CCSER1: variants seen among roughly 807,000 people sequenced by gnomAD.
CCSER1 encodes the protein coiled-coil serine rich protein 1.
CCSER1 carries 41 observed loss-of-function variants against 82.0 expected under a neutral mutation model. The observed-to-expected ratio is 0.50, with a 90% CI of 0.39 to 0.65. The LOEUF is 0.65. CCSER1 is among the 30% of genes least tolerant of loss of function. The pLI, the probability that CCSER1 is intolerant of heterozygous loss-of-function variation, is 0.00. For synonymous variants in CCSER1, 414 were observed against 383.9 expected, an observed-to-expected ratio of 1.08 and a Z score of -0.92; for missense variants, 1,119 against 1,064.2, an observed-to-expected ratio of 1.05 and a Z score of -0.72.
chr4:90,489,310 A>G (rs572611122), intron 5 of CCSER1, among the ~76,000 whole-genome samples: 5 of 152,258 alleles, frequency 3.3e-5, no homozygotes, highest in Non-Finnish European at 5.9e-5. Context: ...TTAGATACCA[A>G]TCTTATAAGT....
chr4:90,349,505 A>C (rs1428965394), intron 3 of CCSER1, among the ~76,000 whole-genome samples: 1 of 152,088 alleles, frequency 6.6e-6, no homozygotes, highest in African/African-American at 2.4e-5. Context: ...TTAGTGAAAC[A>C]AATTCATTTC....
intron 10 of CCSER1, among the ~76,000 whole-genome samples, chr4:91,326,052 A>G (rs1399514461): frequency 7.2e-5 from 11 of 152,110 alleles, no homozygotes; most frequent in Admixed American, 1.3e-4. Flanking sequence ...TAGACTGAGA[A>G]TATGTCATAA....
At chr4:90,401,295 T>C (rs1752842172) in intron 4 of CCSER1, among the ~76,000 whole-genome samples, 2 of 152,208 alleles carry the variant, frequency 1.3e-5, no homozygotes, top group South Asian at 4.1e-4. Flanking sequence ...TTTTTACAAC[T>C]TAGATCCAAC....
chr4:91,492,620 C>G (rs181319757), intron 10 of CCSER1, among the ~76,000 whole-genome samples: 1 of 152,066 alleles, frequency 6.6e-6, no homozygotes, highest in African/African-American at 2.4e-5. Context: ...AACTTAAGAA[C>G]ATTATAAGAA....
chr4:90,910,161 C>A (rs998168586), intron 8 of CCSER1, among the ~76,000 whole-genome samples: 2 of 152,160 alleles, frequency 1.3e-5, no homozygotes, highest in Non-Finnish European at 2.9e-5. Context: ...ACAACCACAT[C>A]TCGTGAGAAC....
At chr4:91,191,366 T>C (rs1038475789) in intron 10 of CCSER1, among the ~76,000 whole-genome samples, 1 of 152,240 alleles carries the variant, frequency 6.6e-6, no homozygotes, top group African/African-American at 2.4e-5. Context: ...TCAAGCTTTC[T>C]TCTTTCTGGG....
intron 3 of CCSER1, among the ~76,000 whole-genome samples, chr4:90,355,848 T>A (rs1744282720): frequency 6.6e-6 from 1 of 152,006 alleles, no homozygotes; most frequent in Non-Finnish European, 1.5e-5. Flanking sequence ...TTCCAAGGAC[T>A]TTATGGCTGC....
At chr4:91,065,487 G>A (rs927956296) in intron 9 of CCSER1, among the ~76,000 whole-genome samples, 2 of 151,910 alleles carry the variant, frequency 1.3e-5, no homozygotes, top group Non-Finnish European at 2.9e-5. Context: ...ATACCAAAGG[G>A]ATTTGTTCAC....
At chr4:91,374,237 T>G (rs1750241299) in intron 10 of CCSER1, among the ~76,000 whole-genome samples, 1 of 152,146 alleles carries the variant, frequency 6.6e-6, no homozygotes, top group Admixed American at 6.6e-5. Flanking sequence ...CATTCAGGTT[T>G]GTATTGGAAG....
At position 91,605,054 on chromosome 4, in the gene CCSER1, T is replaced by C. The variant is rs1407476192; in HGVS notation, c.*5997T>C. 1 of 151,732 alleles carries C rather than the reference T, an allele frequency of 6.6e-6. No homozygotes were observed. Among genetic ancestry groups the C allele is most frequent in the African/African-American group, 2.4e-5 (1 of 41,416 alleles). The allele number at this position is 151,732 out of a possible 1,614,324, so 9.4% of individuals were successfully genotyped here. A position where few individuals can be genotyped will look rare whatever the true frequency, so the allele number is the denominator to read the frequency against. ...TTTTTTAATTCATCATCTCTAAAAC[T>C]CTAAAACTTTAGTGAGAAAGATAAT... On this transcript the variant is annotated 3_prime_UTR_variant, in exon 11 of 11. Coordinates refer to ENST00000509176, the MANE Select transcript of CCSER1 (RefSeq NM_001145065.2).
chr4:91,367,950 A>G (rs369115680), intron 10 of CCSER1, among the ~76,000 whole-genome samples: 51 of 152,268 alleles, frequency 3.3e-4, no homozygotes, highest in East Asian at 2.1e-3. Flanking sequence ...AATGTGTCTT[A>G]CTTTTTGAGT....
rs114541831 is a variant in CCSER1, at chr4:90,721,258, G to A, written c.1933-2656G>A. 5.0e-3 allele frequency among the ~76,000 whole-genome samples: 759 copies of A among 151,954 alleles called. 2 individuals carry two copies. Among genetic ancestry groups the A allele is most frequent in the African/African-American group, 0.017 (718 of 41,532 alleles). On this transcript the variant is annotated intron_variant, in intron 6 of 10. Transcript: ENST00000509176. The stretch of plus-strand genomic sequence containing the variant: ...GTTCATATTATTTATCTGTGCTAGT[G>A]TTTGAAAGAAGCAGTTTGTCTGTTG...
At chr4:91,403,970 G>A (rs972894167) in intron 10 of CCSER1, among the ~76,000 whole-genome samples, 3 of 152,264 alleles carry the variant, frequency 2.0e-5, no homozygotes, top group East Asian at 1.9e-4. Flanking sequence ...CAGAAGGAAT[G>A]GTACCAGCTC....
chr4:90,496,436 T>G (rs1379562701), intron 5 of CCSER1, among the ~76,000 whole-genome samples: 4 of 152,162 alleles, frequency 2.6e-5, no homozygotes, highest in Non-Finnish European at 4.4e-5. Context: ...ACCAAAAAGT[T>G]TATCACCAGA....
intron 10 of CCSER1, among the ~76,000 whole-genome samples, chr4:91,245,861 T>C (rs1002935962): frequency 6.6e-6 from 1 of 152,154 alleles, no homozygotes; most frequent in Non-Finnish European, 1.5e-5. Context: ...GACGTCCGGT[T>C]AGTTTTGTAT....
At chr4:90,535,548 T>A (rs745721132) in intron 5 of CCSER1, among the ~76,000 whole-genome samples, 2 of 152,206 alleles carry the variant, frequency 1.3e-5, no homozygotes, top group Non-Finnish European at 2.9e-5. Context: ...AGACAGCCAC[T>A]AAATAAGGTT....
chr4:90,494,151 G>A (rs202128764), intron 5 of CCSER1, among the ~76,000 whole-genome samples: 5 of 152,056 alleles, frequency 3.3e-5, no homozygotes, highest in Admixed American at 2.0e-4. Flanking sequence ...ACCGACAAAG[G>A]TCAAAAGAGA....
chr4:90,482,986 A>G (rs1355084460), intron 5 of CCSER1, among the ~76,000 whole-genome samples: 2 of 152,148 alleles, frequency 1.3e-5, no homozygotes, highest in East Asian at 1.9e-4. Context: ...AAAGTCTCCC[A>G]TTACTATTGT....
intron 9 of CCSER1, among the ~76,000 whole-genome samples, chr4:91,083,766 A>C (rs2148811251): frequency 6.6e-6 from 1 of 152,302 alleles, no homozygotes; most frequent in South Asian, 2.1e-4. Context: ...GCAGAAGAAA[A>C]GATCAATGAA....
Sources: gnomAD v4.1 joint callset for allele counts (sites outside exome capture counted in the v4.1 genomes callset) on GRCh38, gnomAD v4.1.1 for gene constraint, MANE v1.5 for transcripts, NCBI Gene and HGNC (gene_info 2026-07-23, HGNC 2026-07-21) for gene names.